Variants in MAP3K1 observed in about 807,000 individuals in gnomAD.
MAP3K1 encodes mitogen-activated protein kinase kinase kinase 1.
In MAP3K1, 36 loss-of-function variants were observed where a neutral mutation model predicts 144.2. The observed-to-expected ratio is 0.25, with a 90% confidence interval of 0.19 to 0.33. The LOEUF (loss-of-function observed/expected upper bound fraction) is 0.33, where lower values mean the gene tolerates loss of function less well. Ranked by LOEUF, MAP3K1 falls within the 10% of genes least tolerant of loss-of-function variation. MAP3K1 has a pLI of 1.00. For missense variants in MAP3K1, 1,650 were observed against 1,881.9 expected, an observed-to-expected ratio of 0.88 and a Z score of 2.28; for synonymous variants, 718 against 688.7, an observed-to-expected ratio of 1.04 and a Z score of -0.67.
intron 2 of MAP3K1, among the ~76,000 whole-genome samples, chr5:56,858,957 G>C (rs926008657): frequency 1.3e-5 from 2 of 151,140 alleles, no homozygotes; most frequent in Admixed American, 1.3e-4. Context: ...ACTGGCTATA[G>C]AACAGGAGCA....
At chr5:56,826,228 G>A (rs1746309379) in intron 1 of MAP3K1, among the ~76,000 whole-genome samples, 1 of 151,938 alleles carries the variant, frequency 6.6e-6, no homozygotes, top group Admixed American at 6.5e-5. Flanking sequence ...AGAATTATTG[G>A]TATTCCACTA....
chr5:56,834,127 A>AT (rs2111791390), intron 1 of MAP3K1, among the ~76,000 whole-genome samples: 2 of 71,500 alleles, frequency 2.8e-5, no homozygotes, highest in Admixed American at 2.3e-4. Context: ...ACATGCCATT[A>AT]TTTTTTCTTC....
intron 1 of MAP3K1, 76 bp from the exon 2 acceptor site, chr5:56,856,524 A>T: frequency 8.0e-7 from 1 of 1,251,648 alleles, no homozygotes; most frequent in Non-Finnish European, 1.2e-6. Flanking sequence ...AAATAGAACC[A>T]TCCATTCTGT....
At chr5:56,886,183 C>T in intron 17 of MAP3K1, 120 bp downstream of exon 17, 1 of 767,814 alleles carries the variant, frequency 1.3e-6, no homozygotes, top group Non-Finnish European at 2.2e-6. Flanking sequence ...GCAGGTGGAT[C>T]ACTTGAGGTC....
chr5:56,865,239 CTT>C (rs1189112549), intron 4 of MAP3K1, 99 bp from the exon 5 acceptor site: 5 of 759,892 alleles, frequency 6.6e-6, no homozygotes, highest in Admixed American at 2.2e-5. Flanking sequence ...TTAATAGAAA[CTT>C]TAGTATAAAA....
intron 6 of MAP3K1, among the ~76,000 whole-genome samples, chr5:56,871,021 A>G (rs1180119322): frequency 6.6e-6 from 1 of 151,984 alleles, no homozygotes; most frequent in Non-Finnish European, 1.5e-5. Flanking sequence ...TTTTATTCCA[A>G]TTGCCTTTTT....
intron 1 of MAP3K1, among the ~76,000 whole-genome samples, chr5:56,853,797 A>G (rs1747249798): frequency 6.6e-6 from 1 of 152,182 alleles, no homozygotes; most frequent in African/African-American, 2.4e-5. Flanking sequence ...TGAGGCAGTG[A>G]AGAAGGGGGG....
chr5:56,823,096 C>T (rs984301394), intron 1 of MAP3K1, among the ~76,000 whole-genome samples: 1 of 152,168 alleles, frequency 6.6e-6, no homozygotes, highest in Non-Finnish European at 1.5e-5. Flanking sequence ...TAACTTCCTC[C>T]CTCCAGAAAA....
At position 56,881,101 on chromosome 5, in the gene MAP3K1, G is replaced by C. The variant is rs771211436; in HGVS notation, c.2198G>C (p.Gly733Ala). 12 of 1,612,656 alleles carry C rather than the reference G, an allele frequency of 7.4e-6. No individual in the cohort carries two copies. In the Admixed American group the frequency reaches 2.0e-4, roughly 27 times the overall value. Residue 733 changes from glycine (G) to alanine (A), a missense_variant, in exon 13 of 20, where the codon GGT becomes GCT. Gly to Ala is a moderately conservative substitution (Grantham distance 60). This residue lies in a region of MAP3K1 where 841 missense variants were observed against 886.5 expected (regional missense o/e 0.95). Coordinates refer to ENST00000399503, the MANE Select transcript of MAP3K1 (RefSeq NM_005921.2). Reference sequence around the variant, plus strand: ...TTTGTAGGATCCATTGGTATTGGTGGTGTTGATTATGTCTTAAATTGTATT... The same window carrying C: ...TTTGTAGGATCCATTGGTATTGGTGCTGTTGATTATGTCTTAAATTGTATT... ...ILKAGSIGIG[G>A]VDYVLNCILG...
At chr5:56,866,357 A>G (rs1019532660) in intron 6 of MAP3K1, among the ~76,000 whole-genome samples, 2 of 152,128 alleles carry the variant, frequency 1.3e-5, no homozygotes, top group Non-Finnish European at 2.9e-5. Flanking sequence ...CCAGTGACCT[A>G]TGATCGCACC....
In MAP3K1 at chr5:56,817,962, G is replaced by C. The variant is rs116282246; in HGVS notation, c.482+1907G>C. Among the ~76,000 whole-genome samples, 1,111 of 152,250 alleles carry C rather than the reference G, an allele frequency of 7.3e-3. 23 individuals are homozygous for C. The highest frequency in any genetic ancestry group is 0.024 in the African/African-American group (1,012 of 41,552). ...TGCTTAGTATTTGCGTTTTGTAACC[G>C]AGGTTTTTTCCCCTTTGCTTAAGGT... On this transcript the variant is annotated intron_variant, in intron 1 of 19. Coordinates refer to ENST00000399503, the MANE Select transcript of MAP3K1 (RefSeq NM_005921.2).
intron 6 of MAP3K1, among the ~76,000 whole-genome samples, chr5:56,867,951 G>T (rs1279887887): frequency 6.6e-6 from 1 of 152,100 alleles, no homozygotes; most frequent in Admixed American, 6.5e-5. Flanking sequence ...AATGGCCTGG[G>T]AAAATGTCGA....
chr5:56,868,936 GCAAAATAAGCC>G, intron 6 of MAP3K1, among the ~76,000 whole-genome samples: 1 of 152,168 alleles, frequency 6.6e-6, no homozygotes, highest in African/African-American at 2.4e-5. Context: ...ATTATTCTAA[GCAAAATAAGCC>G]AGTCACAAAA....
Position 56,896,108 on chromosome 5 carries a change from T to C in MAP3K1, c.*2428T>C, listed in dbSNP as rs1748695306. On this transcript the variant is annotated 3_prime_UTR_variant, in exon 20 of 20. Transcript: ENST00000399503. ...ACCGATTTTATAGTATTTGTACCTA[T>C]TTTGGTGTTTTTGTCTTTATAGTAA... 1 of 226,044 alleles carries C rather than the reference T, an allele frequency of 4.4e-6. No homozygotes were observed. The highest frequency in any genetic ancestry group is 1.8e-4 in the South Asian group (1 of 5,476). The allele number at this position is 226,044 out of a possible 1,614,324, so 14.0% of individuals were successfully genotyped here.
At chr5:56,877,028 G>C (rs1051604330) in intron 10 of MAP3K1, among the ~76,000 whole-genome samples, 4 of 152,148 alleles carry the variant, frequency 2.6e-5, no homozygotes, top group South Asian at 2.1e-4. Context: ...TGACTGAAAG[G>C]CTTCTAGGAT....
chr5:56,833,038 A>ATT (rs1746543606), intron 1 of MAP3K1, among the ~76,000 whole-genome samples: 1 of 151,834 alleles, frequency 6.6e-6, no homozygotes, highest in Non-Finnish European at 1.5e-5. Context: ...CACCCAGATA[A>ATT]TTTTTGTGTT....
At chr5:56,822,007 G>A (rs1746169917) in intron 1 of MAP3K1, among the ~76,000 whole-genome samples, 1 of 152,014 alleles carries the variant, frequency 6.6e-6, no homozygotes, top group Admixed American at 6.6e-5. Context: ...AGGAGTTTTT[G>A]TATATCGTTT....
At chr5:56,866,005 T>G in intron 6 of MAP3K1, 28 bp downstream of exon 6, 4 of 1,542,356 alleles carry the variant, frequency 2.6e-6, no homozygotes, top group Non-Finnish European at 3.6e-6. Flanking sequence ...ATTTCAAACA[T>G]TAATCCAGTG....
intron 1 of MAP3K1, among the ~76,000 whole-genome samples, chr5:56,839,896 A>G (rs916190931): frequency 4.9e-5 from 3 of 60,960 alleles, no homozygotes; most frequent in Non-Finnish European, 1.3e-4. Context: ...AAGTGGGTAA[A>G]TAATCATCTT....
Sources: gnomAD v4.1 joint callset for allele counts (sites outside exome capture counted in the v4.1 genomes callset) on GRCh38, gnomAD v4.1.1 for gene constraint, gnomAD v4.1.1 regional missense constraint, MANE v1.5 for transcripts, NCBI Gene and HGNC (gene_info 2026-07-23, HGNC 2026-07-21) for gene names.